SALL1: variants seen among roughly 807,000 people sequenced by gnomAD.
SALL1 encodes spalt like transcription factor 1, also known as sal-like protein 1.
In SALL1, 10 loss-of-function variants were observed where a neutral mutation model predicts 73.1. That is an observed-to-expected ratio of 0.14 (90% CI 0.08 to 0.23). SALL1 has a LOEUF of 0.23. Ranked by LOEUF, SALL1 falls within the 10% of genes least tolerant of loss-of-function variation. The pLI is 1.00. For missense variants in SALL1, 1,520 were observed against 1,697.3 expected, an observed-to-expected ratio of 0.90 and a Z score of 1.84; for synonymous variants, 688 against 689.8, an observed-to-expected ratio of 1.00 and a Z score of 0.04.
rs764293621 is a variant in SALL1 at position 51,140,825 on chromosome 16, A to T, written c.1397T>A (p.Ile466Asn). The change falls in exon 2 of 3, where the codon ATC becomes AAC. Residue 466 changes from isoleucine (I) to asparagine (N), a missense_variant. By Grantham distance (149) the Ile-to-Asn change is moderately radical. Coordinates refer to ENST00000251020, the MANE Select transcript of SALL1 (RefSeq NM_002968.3). This position sits in a 1 kb window ranked among gnomAD's most constrained non-coding sequence, Gnocchi z 5.7. ...CTCTCCGGTATGGGAACGCAAGTGG[A>T]TCTGCAAGGCACTGTCACTCCCAAA... ...KVFGSDSALQIHLRSHTGERP... is the reference protein window; with the variant it reads ...KVFGSDSALQNHLRSHTGERP... 6.2e-7 allele frequency: 1 copy of T among 1,614,204 alleles called. No individual in the cohort carries two copies.
At chr16:51,142,575 G>T (rs2143454819) in intron 1 of SALL1, among the ~76,000 whole-genome samples, 1 of 152,248 alleles carries the variant, frequency 6.6e-6, no homozygotes, top group East Asian at 1.9e-4. Context: ...GTGACAGTTT[G>T]TTCTGTCACT....
In SALL1 at chr16:51,141,156, C is replaced by T. The variant is rs1389554679; in HGVS notation, c.1066G>A (p.Val356Met). The change falls in exon 2 of 3, where the codon GTG becomes ATG. Residue 356 changes from valine to methionine, a missense_variant. This residue lies in a region of SALL1 where 540 missense variants were observed against 567.5 expected (regional missense o/e 0.95). Coordinates refer to ENST00000251020, the MANE Select transcript of SALL1 (RefSeq NM_002968.3). The surrounding 1 kb of genome is among the most constrained non-coding windows in gnomAD (Gnocchi z 5.4). ...TGGGAGGCCCCAGCACTTGAAGCCA[C>T]TTTTTCAGAGGACGGGGTGGTAACT... ...AAVTTPSSEK[V>M]ASSAGASHVS... 9 of 1,614,224 alleles carry T rather than the reference C, an allele frequency of 5.6e-6. No homozygotes were observed. Among genetic ancestry groups the T allele is most frequent in the Non-Finnish European group, 7.6e-6 (9 of 1,180,048 alleles).
Position 51,142,139 on chromosome 16 carries a change from G to C in SALL1, c.83C>G (p.Thr28Arg), listed in dbSNP as rs772074098. 6 of 1,611,898 alleles carry C rather than the reference G, an allele frequency of 3.7e-6. No individual in the cohort carries two copies. Among genetic ancestry groups the C allele is most frequent in the Non-Finnish European group, 3.4e-6 (4 of 1,179,182 alleles). The change falls in exon 2 of 3, where the codon ACA becomes AGA. Residue 28 changes from threonine to arginine, a missense_variant. By Grantham distance (71) the Thr-to-Arg change is moderately conservative. Around this residue, in one of 7 missense-constraint regions of SALL1, gnomAD observed 540 missense variants for 567.5 expected, o/e 0.95. Transcript: ENST00000251020. ...VASLPRRDGD[T>R]EKGQPSRPTK... ...AGGGCGACTCGGTTGACCCTTTTCT[G>C]TGTCTCCTACAAATGTCAAAAAGGT...
At chr16:51,145,125 G>A (rs1248196415) in intron 1 of SALL1, among the ~76,000 whole-genome samples, 1 of 149,252 alleles carries the variant, frequency 6.7e-6, no homozygotes, top group African/African-American at 2.5e-5. Context: ...AAAACATGAG[G>A]ACTAGTTGGA....
intron 2 of SALL1, 44 bp from the exon 3 acceptor site, chr16:51,137,596 GA>G (rs769426239): frequency 1.3e-5 from 17 of 1,331,100 alleles, no homozygotes; most frequent in African/African-American, 2.9e-5. Flanking sequence ...GAGAGAGAGA[GA>G]AAAAAAAGAG....
rs745310317 is a variant in SALL1, at chr16:51,139,895, G to A, written c.2327C>T (p.Thr776Met). The part of the protein sequence containing the change: ...HSCPICQKKF[T>M]NAVVLQQHIR... ...GTGCTGCTGCAGGACCACAGCGTTC[G>A]TGAACTTCTTCTGGCAGATGGGGCA... Residue 776 changes from threonine to methionine, a missense_variant, in exon 2 of 3, where the codon ACG (threonine) becomes ATG (methionine). By Grantham distance (81) the Thr-to-Met change is moderately conservative. This residue lies in a region of SALL1 where 77 missense variants were observed against 117.2 expected (regional missense o/e 0.66). Coordinates refer to ENST00000251020, the MANE Select transcript of SALL1 (RefSeq NM_002968.3). 4 of 1,614,170 alleles carry A rather than the reference G, an allele frequency of 2.5e-6. No homozygotes were observed. Among genetic ancestry groups the A allele is most frequent in the Non-Finnish European group, 2.5e-6 (3 of 1,180,028 alleles).
rs777053119 is a variant in SALL1 at position 51,139,469 on chromosome 16, G to A, written c.2753C>T (p.Ala918Val). The A allele has an allele frequency of 3.1e-6, 5 of 1,614,198 alleles. No individual in the cohort carries two copies. Among genetic ancestry groups the A allele is most frequent in the Non-Finnish European group, 4.2e-6 (5 of 1,180,032 alleles). Residue 918 changes from alanine to valine, a missense_variant, in exon 2 of 3, where the codon GCC becomes GTC. Around this residue, in one of 7 missense-constraint regions of SALL1, gnomAD observed 266 missense variants for 275.1 expected, o/e 0.97. Transcript: ENST00000251020. ...DMESQSAGSP[A>V]ISESTSSMQA... is the part of the protein sequence containing the mutation. ...CATGGAAGAGGTAGACTCTGAGATGGCTGGGCTGCCAGCACTTTGGCTTTC... is the reference window on the plus strand; with the variant it reads ...CATGGAAGAGGTAGACTCTGAGATGACTGGGCTGCCAGCACTTTGGCTTTC...
chr16:51,137,405 C>T lies in SALL1; in HGVS notation c.3682G>A (p.Gly1228Arg). Residue 1228 changes from glycine to arginine, a missense_variant, in exon 3 of 3, where the codon GGG becomes AGG. Coordinates refer to ENST00000251020, the MANE Select transcript of SALL1 (RefSeq NM_002968.3). The part of the protein sequence containing the change: ...QKDLAARSGS[G>R]DPSSFWNQYA... ...TGATTCCAGAAGCTGGAAGGATCCC[C>T]ACTTCCTGATCTTGCCGCCAAATCC... 3 of 1,614,130 alleles carry T rather than the reference C, an allele frequency of 1.9e-6. No homozygotes were observed. The highest frequency in any genetic ancestry group is 2.5e-6 in the Non-Finnish European group (3 of 1,180,028).
At chr16:51,147,780 A>AACAC (rs145285801) in intron 1 of SALL1, among the ~76,000 whole-genome samples, 11,295 of 146,214 alleles carry the variant, frequency 0.077, 753 homozygotes, top group African/African-American at 0.18. Flanking sequence ...GAAGAACTCC[A>AACAC]ACACACACAC....
chr16:51,152,143 T>C (rs1022361353), upstream of SALL1: 5 of 151,668 alleles, frequency 3.3e-5, no homozygotes, highest in African/African-American at 1.2e-4. Flanking sequence ...GATCCCGGGC[T>C]CGCGGGGGCG....
Position 51,139,118 on chromosome 16 carries a change from T to C in SALL1, c.3104A>G (p.Asn1035Ser), listed in dbSNP as rs144892983. Residue 1035 changes from asparagine (N) to serine (S), a missense_variant, in exon 2 of 3, where the codon AAT becomes AGT. Asn to Ser is a conservative substitution (Grantham distance 46, BLOSUM62 1). Transcript: ENST00000251020. ...KERPFICTVCNRGFSTKGNLK... is the reference protein window; with the variant it reads ...KERPFICTVCSRGFSTKGNLK... ...ATTACCCTTTGTGGAAAAGCCACGA[T>C]TGCAAACTGTGCAAATAAATGGTCT... is the stretch of plus-strand genomic sequence containing the variant. The C allele has an allele frequency of 2.0e-5, 33 of 1,614,098 alleles. No homozygotes were observed. Among genetic ancestry groups the C allele is most frequent in the African/African-American group, 2.7e-5 (2 of 74,918 alleles).
At position 51,150,933 on chromosome 16, in the gene SALL1, G is replaced by A. The variant is rs182687591; in HGVS notation, c.76+233C>T. The stretch of plus-strand genomic sequence containing the variant: ...CCCCCGGGAGGACCCAACAACTCCG[G>A]AAAGATCCTGCCGGGAGATGTGCTC... On this transcript the variant is annotated intron_variant, in intron 1 of 2. Transcript: ENST00000251020. 2,135 of 404,638 alleles carry A rather than the reference G, an allele frequency of 5.3e-3. 12 individuals are homozygous for A. Among genetic ancestry groups the A allele is most frequent in the Middle Eastern group, 0.023 (37 of 1,600 alleles). The allele number at this position is 404,638 out of a possible 1,614,324, so 25.1% of individuals were successfully genotyped here.
chr16:51,137,592 G>C (rs764512940), intron 2 of SALL1, 40 bp from the exon 3 acceptor site: 8 of 1,494,730 alleles, frequency 5.4e-6, no homozygotes, highest in South Asian at 2.3e-5. Flanking sequence ...CAGAGAGAGA[G>C]AGAGAAAAAA....
rs200245059 is a variant in SALL1, at chr16:51,141,905, T to C, written c.317A>G (p.Asp106Gly). The C allele has an allele frequency of 5.0e-6, 8 of 1,613,956 alleles. No homozygotes were observed. The East Asian group carries it at 1.8e-4, about 36-fold the overall frequency. The stretch of plus-strand genomic sequence containing the variant: ...TGAAAGGTCGCTGCAGTCCACTTGA[T>C]CTGTTTTGTTAACTGTGTCATTCAT... Reference protein sequence around the residue: ...EQMNDTVNKTDQVDCSDLSEH... With the variant: ...EQMNDTVNKTGQVDCSDLSEH... The change falls in exon 2 of 3, where the codon GAT (aspartate) becomes GGT (glycine). Residue 106 changes from aspartate to glycine, a missense_variant. Physicochemically the swap from Asp to Gly is moderately conservative, Grantham distance 94. Coordinates refer to ENST00000251020, the MANE Select transcript of SALL1 (RefSeq NM_002968.3). The surrounding 1 kb of genome is among the most constrained non-coding windows in gnomAD (Gnocchi z 5.4).
chr16:51,143,211 T>C (rs1220874642), intron 1 of SALL1: 7 of 223,052 alleles, frequency 3.1e-5, no homozygotes, highest in Non-Finnish European at 5.7e-5. Flanking sequence ...CATTTTATTA[T>C]AAAAATCCCT....
rs1171676689 is a variant in SALL1 at position 51,138,838 on chromosome 16, C to T, written c.3384G>A (p.Arg1128=). The T allele has an allele frequency of 3.7e-6, 6 of 1,614,200 alleles. No homozygotes were observed. The highest frequency in any genetic ancestry group is 3.4e-6 in the Non-Finnish European group (4 of 1,180,030). ...TSPVLLPALP[R]RTPKQHYCNT... ...TGCAGTAGTGCTGCTTGGGAGTTCT[C>T]CTGGGCAGAGCAGGGAGCAGAACTG... The change falls in exon 2 of 3, where the codon AGG becomes AGA. Residue 1128 remains arginine, a synonymous_variant. Coordinates refer to ENST00000251020, the MANE Select transcript of SALL1 (RefSeq NM_002968.3).
rs764423444 is a variant in SALL1 at position 51,141,250 on chromosome 16, G to T, written c.972C>A (p.Ser324Arg). 41 of 1,614,052 alleles carry T rather than the reference G, an allele frequency of 2.5e-5. No homozygotes were observed. Among genetic ancestry groups the T allele is most frequent in the Non-Finnish European group, 3.3e-5 (39 of 1,180,042 alleles). Reference protein sequence around the residue: ...KQLPPIQLPQSSSGNTIIPSN... With the variant: ...KQLPPIQLPQRSSGNTIIPSN... ...ATGGAATGATGGTGTTGCCAGAACT[G>T]CTCTGAGGTAGCTGGATTGGGGGTA... is the stretch of plus-strand genomic sequence containing the variant. The change falls in exon 2 of 3, where the codon AGC becomes AGA. Residue 324 changes from serine (S) to arginine (R), a missense_variant. Around this residue, in one of 7 missense-constraint regions of SALL1, gnomAD observed 540 missense variants for 567.5 expected, o/e 0.95. Coordinates refer to ENST00000251020, the MANE Select transcript of SALL1 (RefSeq NM_002968.3). This position sits in a 1 kb window ranked among gnomAD's most constrained non-coding sequence, Gnocchi z 5.4.
chr16:51,147,808 C>CACACACACACACAT (rs1373874712), intron 1 of SALL1, among the ~76,000 whole-genome samples: 23 of 151,628 alleles, frequency 1.5e-4, no homozygotes, highest in Non-Finnish European at 2.4e-4. Context: ...CACACACACA[C>CACACACACACACAT]ATGCACACAT....
At position 51,140,863 on chromosome 16, in the gene SALL1, G is replaced by A. The variant is rs749874315; in HGVS notation, c.1359C>T (p.Phe453=). 6.2e-7 allele frequency: 1 copy of A among 1,614,096 alleles called. No individual in the cohort carries two copies. Among genetic ancestry groups the A allele is most frequent in the African/African-American group, 1.3e-5 (1 of 74,922 alleles). The change falls in exon 2 of 3, where the codon TTC becomes TTT. Residue 453 remains phenylalanine, a synonymous_variant. Transcript: ENST00000251020. This position sits in a 1 kb window ranked among gnomAD's most constrained non-coding sequence, Gnocchi z 5.7. ...TGTCACTCCCAAAGACCTTCGCGCA[G>A]AACCTGCACTTGTGTTTGAAGAATG... is the stretch of plus-strand genomic sequence containing the variant. ...DEAFFKHKCR[F]CAKVFGSDSA...
Sources: allele counts gnomAD v4.1 joint callset (sites outside exome capture counted in the v4.1 genomes callset), GRCh38; gene constraint gnomAD v4.1.1; regional missense constraint gnomAD v4.1.1; non-coding constraint Gnocchi (gnomAD v3.1); transcripts MANE v1.5; gene names NCBI Gene and HGNC (gene_info 2026-07-23, HGNC 2026-07-21).